The following HYLS1 variants were observed in gnomAD, a reference collection of about 807,000 sequenced individuals.
HYLS1 encodes the protein HYLS1 centriolar and ciliogenesis associated.
In HYLS1, 25 loss-of-function variants were observed where a neutral mutation model predicts 29.4. That is an observed-to-expected ratio of 0.85 (90% CI 0.62 to 1.19). The LOEUF is 1.19. Among genes scored for constraint, HYLS1 ranks in the 50% most tolerant of loss-of-function variants. The pLI, the probability that HYLS1 is intolerant of heterozygous loss-of-function variation, is 0.00. For missense variants in HYLS1, 352 were observed against 365.1 expected (o/e 0.96, Z 0.29); for synonymous variants, 128 against 126.7 (o/e 1.01, Z -0.07).
At chr11:125,885,312 G>T (rs2134222605), upstream of HYLS1, among the ~76,000 whole-genome samples, 1 of 152,190 alleles carries the variant, frequency 6.6e-6, no homozygotes, top group East Asian at 1.9e-4. Flanking sequence ...TTAGCTGGGT[G>T]TGGTGGCACA....
In HYLS1 at chr11:125,894,048, CAG is replaced by C. The variant is rs753229591; in HGVS notation, c.-26+2579_-26+2580del. ...ACAAAGGCACTGGTCTGCTTTATGA[CAG>C]AGGGCTTAACATTTCCCCATTCTGT... On this transcript the variant is annotated intron_variant, in intron 2 of 2. Transcript: ENST00000425380. 6.2e-7 allele frequency: 1 copy of C among 1,614,180 alleles called. No homozygotes were observed. Among genetic ancestry groups the C allele is most frequent in the South Asian group, 1.1e-5 (1 of 91,086 alleles).
chr11:125,898,276 C>A (rs759604442), intron 2 of HYLS1, among the ~76,000 whole-genome samples: 5 of 152,130 alleles, frequency 3.3e-5, no homozygotes, highest in Non-Finnish European at 7.3e-5. Flanking sequence ...ACAGTAGATA[C>A]CTATCTCAGA....
intron 2 of HYLS1, 136 bp from the exon 3 acceptor site, chr11:125,899,208 A>G: frequency 1.6e-6 from 1 of 639,608 alleles, no homozygotes; most frequent in Non-Finnish European, 2.7e-6. Context: ...CTGTTCTGAT[A>G]CTACCCTGTA....
At position 125,899,515 on chromosome 11, in the gene HYLS1, T is replaced by C. The variant is rs1168922307; in HGVS notation, c.147T>C (p.Asp49=). Residue 49 remains aspartate, a synonymous_variant, in exon 3 of 3, where the codon GAT becomes GAC. Transcript: ENST00000425380. The part of the protein sequence containing the change: ...VRREAQSIQY[D]PYSKASVAPG... ...GAGAAGCCCAATCTATCCAATATGA[T>C]CCCTACAGTAAAGCTTCAGTAGCCC... 1 of 1,613,948 alleles carries C rather than the reference T, an allele frequency of 6.2e-7. No individual in the cohort carries two copies.
intron 1 of HYLS1, 48 bp from the exon 2 acceptor site, chr11:125,891,375 A>G (rs945969421): frequency 4.0e-5 from 6 of 149,720 alleles, no homozygotes; most frequent in Non-Finnish European, 7.4e-5. Flanking sequence ...TGTTCCATGT[A>G]TCACTGCTTC....
intron 2 of HYLS1, among the ~76,000 whole-genome samples, chr11:125,892,194 TAAGTC>T (rs1944428515): frequency 6.6e-6 from 1 of 152,162 alleles, no homozygotes; most frequent in Admixed American, 6.5e-5. Flanking sequence ...AGTGACTACA[TAAGTC>T]AAGACAGTCA....
At chr11:125,893,902 A>T (rs752397379) in intron 2 of HYLS1, 2 of 1,614,038 alleles carry the variant, frequency 1.2e-6, no homozygotes, top group African/African-American at 1.3e-5. Context: ...TTTCTTCCTC[A>T]TGGAATAAAT....
chr11:125,886,565 G>A (rs531222432), upstream of HYLS1, among the ~76,000 whole-genome samples: 1 of 113,552 alleles, frequency 8.8e-6, no homozygotes, highest in Non-Finnish European at 1.7e-5. Flanking sequence ...CAATCCCCAA[G>A]CACTAGATTT....
chr11:125,897,050 G>A (rs915852640), intron 2 of HYLS1, among the ~76,000 whole-genome samples: 3 of 152,160 alleles, frequency 2.0e-5, no homozygotes, highest in African/African-American at 7.2e-5. Context: ...TAATGTAGAT[G>A]TCAGTGTAGA....
chr11:125,896,573 A>C (rs1944597965), intron 2 of HYLS1, among the ~76,000 whole-genome samples: 1 of 152,228 alleles, frequency 6.6e-6, no homozygotes, highest in East Asian at 1.9e-4. Context: ...TCATTAAAGC[A>C]GTCAAAATTC....
upstream of HYLS1, among the ~76,000 whole-genome samples, chr11:125,885,238 G>A (rs1944285844): frequency 6.6e-6 from 1 of 152,150 alleles, no homozygotes; most frequent in African/African-American, 2.4e-5. Context: ...GATCGCTTGA[G>A]GTCAGAGTTC....
upstream of HYLS1, among the ~76,000 whole-genome samples, chr11:125,885,210 G>C (rs1039602484): frequency 6.6e-6 from 1 of 152,196 alleles, no homozygotes; most frequent in African/African-American, 2.4e-5. Context: ...CCAGCACTTT[G>C]GGAGGTGGAG....
chr11:125,897,831 C>T (rs1944634016), intron 2 of HYLS1, among the ~76,000 whole-genome samples: 1 of 152,114 alleles, frequency 6.6e-6, no homozygotes, highest in South Asian at 2.1e-4. Flanking sequence ...TACCTTTTGG[C>T]CCACCTCTCC....
rs74583408 is a variant in HYLS1, at chr11:125,899,335, C to A, written c.-25-9C>A. The A allele has an allele frequency of 1.1e-5, 17 of 1,596,818 alleles. No homozygotes were observed. The African/African-American group carries it at 2.0e-4, about 19-fold the overall frequency. The stretch of plus-strand genomic sequence containing the variant: ...TTATCAGAAAACTGACCAATGTTAT[C>A]TCTTGCAGAAGGTCCTACAGTGTAG... On this transcript the variant is annotated splice_polypyrimidine_tract_variant and intron_variant, in intron 2 of 2. Coordinates refer to ENST00000425380, the MANE Select transcript of HYLS1 (RefSeq NM_001134793.2).
chr11:125,885,556 C>T (rs1469567632), upstream of HYLS1, among the ~76,000 whole-genome samples: 2 of 152,208 alleles, frequency 1.3e-5, no homozygotes, highest in South Asian at 2.1e-4. Flanking sequence ...TCTTTGGTTT[C>T]TAAGACAGAT....
At chr11:125,885,171 G>A (rs1426232583), upstream of HYLS1, among the ~76,000 whole-genome samples, 3 of 152,204 alleles carry the variant, frequency 2.0e-5, no homozygotes, top group African/African-American at 7.2e-5. Context: ...ACTAATTGGG[G>A]CTGCACACAG....
chr11:125,893,614 TTTC>T, intron 2 of HYLS1: 1 of 541,538 alleles, frequency 1.8e-6, no homozygotes, highest in South Asian at 3.5e-5. Context: ...ATATTTGAAA[TTTC>T]TTATTAAAGC....
chr11:125,886,405 A>C (rs1944305427), upstream of HYLS1, among the ~76,000 whole-genome samples: 1 of 152,156 alleles, frequency 6.6e-6, no homozygotes, highest in African/African-American at 2.4e-5. Flanking sequence ...GAAATGGTGT[A>C]AGATGAACTT....
chr11:125,898,121 T>C (rs963582057), intron 2 of HYLS1, among the ~76,000 whole-genome samples: 1 of 152,174 alleles, frequency 6.6e-6, no homozygotes, highest in Non-Finnish European at 1.5e-5. Context: ...CATGTGAATA[T>C]GGAAAATTTC....
Sources: allele counts gnomAD v4.1 joint callset (sites outside exome capture counted in the v4.1 genomes callset), GRCh38; gene constraint gnomAD v4.1.1; transcripts MANE v1.5; gene names NCBI Gene and HGNC (gene_info 2026-07-23, HGNC 2026-07-21).